ZNF676: variants seen among roughly 807,000 people sequenced by gnomAD.
ZNF676 encodes the protein zinc finger protein 676.
In ZNF676, 4 loss-of-function variants were observed where a neutral mutation model predicts 6.0. The observed-to-expected ratio is 0.67, with a 90% CI of 0.33 to 1.53. ZNF676 has a LOEUF of 1.53. Among genes scored for constraint, ZNF676 ranks in the 40% most tolerant of loss-of-function variants. The pLI, the probability that ZNF676 is intolerant of heterozygous loss-of-function variation, is 0.06. For missense variants in ZNF676, 644 were observed against 679.7 expected (o/e 0.95, Z 0.58); for synonymous variants, 198 against 223.1 (o/e 0.89, Z 1.00).
At chr19:22,257,190 G>T in the ZNF676 span, among the ~76,000 whole-genome samples, 1 of 152,154 alleles carries the variant, frequency 6.6e-6, no homozygotes, top group Non-Finnish European at 1.5e-5. Flanking sequence ...TTGTCACAGT[G>T]CTTCCCAGTG....
At chr19:22,206,724 A>G (rs1245966097) in intron 1 of ZNF676, among the ~76,000 whole-genome samples, 11 of 151,896 alleles carry the variant, frequency 7.2e-5, no homozygotes, top group Non-Finnish European at 1.3e-4. Flanking sequence ...CAAATCCAGC[A>G]GCATATCAAA....
At chr19:22,220,467 T>G (rs1283841528), upstream of ZNF676, among the ~76,000 whole-genome samples, 6 of 124,984 alleles carry the variant, frequency 4.8e-5, no homozygotes, top group African/African-American at 1.8e-4. Context: ...GGCAGTTTTT[T>G]TTTTTTTTTT....
intron 1 of ZNF676, among the ~76,000 whole-genome samples, chr19:22,193,720 C>T (rs1275233963): frequency 6.6e-6 from 1 of 152,102 alleles, no homozygotes; most frequent in Admixed American, 6.6e-5. Context: ...CATGCTGATG[C>T]TGCGGCTAGG....
intron 2 of ZNF676, among the ~76,000 whole-genome samples, chr19:22,190,786 A>G (rs2023898095): frequency 6.6e-6 from 1 of 151,342 alleles, no homozygotes; most frequent in East Asian, 1.9e-4. Context: ...ATAATTTGAA[A>G]TATAAAAATA....
At chr19:22,211,095 CTT>C (rs35954273) in intron 1 of ZNF676, among the ~76,000 whole-genome samples, 83 of 145,288 alleles carry the variant, frequency 5.7e-4, no homozygotes, top group Middle Eastern at 3.5e-3. Flanking sequence ...CTTTGGAATT[CTT>C]TTTTTTTTTT....
chr19:22,189,936 G>C (rs1468617186), intron 2 of ZNF676, among the ~76,000 whole-genome samples: 1 of 152,104 alleles, frequency 6.6e-6, no homozygotes, highest in Non-Finnish European at 1.5e-5. Flanking sequence ...GTGTAAATTA[G>C]TTCAGCCATT....
chr19:22,232,184 T>C, the ZNF676 span, among the ~76,000 whole-genome samples: 1 of 151,994 alleles, frequency 6.6e-6, no homozygotes, highest in African/African-American at 2.4e-5. Flanking sequence ...TTTCTTTTTT[T>C]TTTAGACGGA....
chr19:22,247,850 C>T, the ZNF676 span, among the ~76,000 whole-genome samples: 1 of 152,124 alleles, frequency 6.6e-6, no homozygotes, highest in African/African-American at 2.4e-5. Context: ...CTATTCTCCT[C>T]AAAAGGGGAA....
chr19:22,210,620 AG>A (rs1289128642), intron 1 of ZNF676, among the ~76,000 whole-genome samples: 22 of 152,218 alleles, frequency 1.4e-4, no homozygotes, highest in African/African-American at 4.8e-4. Context: ...TGTGTTCTCC[AG>A]GAACACTTAT....
Position 22,186,833 on chromosome 19 carries a change from C to G in ZNF676, c.131-5247G>C, listed in dbSNP as rs531762830. 3.3e-5 allele frequency among the ~76,000 whole-genome samples: 5 copies of G among 151,668 alleles called. No individual in the cohort carries two copies. In the East Asian group the frequency reaches 9.6e-4, roughly 29 times the overall value. ...GGATCAATGCAACAAGAAGAGCTAACTATCGTAAATATATATGCGCCCAAC... is the reference window on the plus strand; with the variant it reads ...GGATCAATGCAACAAGAAGAGCTAAGTATCGTAAATATATATGCGCCCAAC... On this transcript the variant is annotated intron_variant, in intron 2 of 2. Transcript: ENST00000397121.
chr19:22,181,545 C>T lies in ZNF676; in HGVS notation c.172G>A (p.Gly58Ser), dbSNP rs189442130. 134 of 1,598,066 alleles carry T rather than the reference C, an allele frequency of 8.4e-5. No homozygotes were observed. In the African/African-American group the frequency reaches 1.7e-3, roughly 20 times the overall value. Residue 58 changes from glycine to serine, a missense_variant, in exon 3 of 3, where the codon GGC becomes AGC. Physicochemically the swap from Gly to Ser is moderately conservative, Grantham distance 56 (BLOSUM62 0). Coordinates refer to ENST00000397121, the MANE Select transcript of ZNF676 (RefSeq NM_001001411.3). ...HFSQEFWPEQ[G>S]IEDSFQKMIL... Reference sequence around the variant, plus strand: ...ATTTTTTGGAAAGAATCTTCTATGCCTTGCTCTGGCCAAAACTCTTGGGAA... The same window carrying T: ...ATTTTTTGGAAAGAATCTTCTATGCTTTGCTCTGGCCAAAACTCTTGGGAA...
chr19:22,186,724 G>T (rs767151528), intron 2 of ZNF676, among the ~76,000 whole-genome samples: 23 of 152,122 alleles, frequency 1.5e-4, no homozygotes, highest in Admixed American at 2.6e-4. Flanking sequence ...GAAAGCAGGG[G>T]CTGCAATTCT....
At position 22,181,270 on chromosome 19, in the gene ZNF676, T is replaced by C. The variant is rs2023745421; in HGVS notation, c.447A>G (p.Ser149=). 1 of 1,613,774 alleles carries C rather than the reference T, an allele frequency of 6.2e-7. No homozygotes were observed. Among genetic ancestry groups the C allele is most frequent in the Non-Finnish European group, 8.5e-7 (1 of 1,179,798 alleles). ...KGLKCKEYVR[S]FCMLSHLSQH... ...GAGATAGGTGTGAAAGCATGCAAAA[T>C]GATCTGACATATTCTTTACATTTCA... Residue 149 remains serine, a synonymous_variant, in exon 3 of 3, where the codon TCA becomes TCG. Coordinates refer to ENST00000397121, the MANE Select transcript of ZNF676 (RefSeq NM_001001411.3).
chr19:22,212,668 G>GC (rs1273331585), intron 1 of ZNF676, among the ~76,000 whole-genome samples: 3 of 151,780 alleles, frequency 2.0e-5, no homozygotes, highest in Non-Finnish European at 2.9e-5. Flanking sequence ...TTGCACCACC[G>GC]CACTCCAGCC....
chr19:22,240,237 G>A, the ZNF676 span, among the ~76,000 whole-genome samples: 1 of 149,916 alleles, frequency 6.7e-6, no homozygotes, highest in Admixed American at 6.6e-5. Context: ...CAGCACCTGT[G>A]TGCTGGACCC....
the ZNF676 span, chr19:22,243,746 A>G: frequency 6.6e-6 from 1 of 152,392 alleles, no homozygotes; most frequent in Middle Eastern, 3.4e-3. Flanking sequence ...GGTCTAGATC[A>G]GAGAGTCTTC....
upstream of ZNF676, among the ~76,000 whole-genome samples, chr19:22,218,103 T>A (rs1176214659): frequency 6.6e-6 from 1 of 152,202 alleles, no homozygotes. Context: ...CATTTTTTTT[T>A]AATGTTTGTT....
Position 22,181,265 on chromosome 19 carries a change from C to T in ZNF676, c.452G>A (p.Cys151Tyr). 2 of 1,613,760 alleles carry T rather than the reference C, an allele frequency of 1.2e-6. No homozygotes were observed. The highest frequency in any genetic ancestry group is 2.2e-5 in the East Asian group (1 of 44,846). Reference sequence around the variant, plus strand: ...ATGTTGAGATAGGTGTGAAAGCATGCAAAATGATCTGACATATTCTTTACA... The same window carrying T: ...ATGTTGAGATAGGTGTGAAAGCATGTAAAATGATCTGACATATTCTTTACA... ...LKCKEYVRSFCMLSHLSQHER... is the reference protein window; with the variant it reads ...LKCKEYVRSFYMLSHLSQHER... Residue 151 changes from cysteine (C) to tyrosine (Y), a missense_variant, in exon 3 of 3, where the codon TGC becomes TAC. By Grantham distance (194) the Cys-to-Tyr change is radical (BLOSUM62 -2). Transcript: ENST00000397121.
At chr19:22,233,890 T>G in the ZNF676 span, among the ~76,000 whole-genome samples, 432 of 152,344 alleles carry the variant, frequency 2.8e-3, 1 homozygote, top group African/African-American at 9.4e-3. Flanking sequence ...ACCCATTGGT[T>G]AGCACTCACA....
Sources: gnomAD v4.1 joint callset for allele counts (sites outside exome capture counted in the v4.1 genomes callset) on GRCh38, gnomAD v4.1.1 for gene constraint, MANE v1.5 for transcripts, NCBI Gene and HGNC (gene_info 2026-07-23, HGNC 2026-07-21) for gene names.